Variants in GABRA3 observed in about 807,000 individuals in gnomAD.
GABRA3 encodes the protein gamma-aminobutyric acid type A receptor subunit alpha3.
A neutral mutation model predicts 30.1 loss-of-function variants in GABRA3; 10 were observed. That is an observed-to-expected ratio of 0.33 (90% confidence interval 0.20 to 0.56). GABRA3 has a LOEUF of 0.56. Among genes scored for constraint, GABRA3 ranks in the 20% least tolerant of loss-of-function variants. The pLI, the probability that GABRA3 is intolerant of heterozygous loss-of-function variation, is 0.89. For synonymous variants in GABRA3, 151 were observed against 146.8 expected (o/e 1.03, Z -0.21); for missense variants, 233 against 392.0 (o/e 0.59, Z 3.42).
intron 7 of GABRA3, among the ~76,000 whole-genome samples, chrX:152,198,852 G>A (rs1569353161): frequency 8.9e-6 from 1 of 112,053 alleles, no homozygotes; most frequent in Non-Finnish European, 1.9e-5. Context: ...TACTTGTTAT[G>A]GGTTGAATTG....
intron 1 of GABRA3, among the ~76,000 whole-genome samples, chrX:152,416,475 C>A (rs983863487): frequency 3.6e-5 from 4 of 109,618 alleles, no homozygotes; most frequent in African/African-American, 1.3e-4. Flanking sequence ...TCAATGCCAT[C>A]CCTATCAAGC....
At chrX:152,444,732 G>GGTTTTTTTTTTTTTTT (rs1931019495) in intron 1 of GABRA3, among the ~76,000 whole-genome samples, 2 of 23,227 alleles carry the variant, frequency 8.6e-5, no homozygotes, top group Non-Finnish European at 7.5e-5. Flanking sequence ...TAATACTTGT[G>GGTTTTTTTTTTTTTTT]TGTTTTTTTT....
chrX:152,372,821 A>G (rs1043236515), intron 1 of GABRA3, among the ~76,000 whole-genome samples: 2 of 112,195 alleles, frequency 1.8e-5, no homozygotes, highest in African/African-American at 3.2e-5. Flanking sequence ...CCTTAAATAA[A>G]TTGGGATTTA....
intron 5 of GABRA3, among the ~76,000 whole-genome samples, chrX:152,228,368 G>A (rs1319250777): frequency 9.0e-6 from 1 of 111,659 alleles, no homozygotes; most frequent in African/African-American, 3.3e-5. Flanking sequence ...AAGTGGATGG[G>A]AAGAAAGATA....
At chrX:152,345,325 TTG>T (rs761302995) in intron 3 of GABRA3, among the ~76,000 whole-genome samples, 1 of 111,609 alleles carries the variant, frequency 9.0e-6, no homozygotes, top group East Asian at 2.8e-4. Context: ...CGTCAAACCA[TTG>T]TGAGTCATGG....
In GABRA3 at chrX:152,168,142, A is replaced by G; in HGVS notation, c.*86T>C. The G allele has an allele frequency of 2.7e-6, 2 of 737,301 alleles. No homozygotes were observed. The highest frequency in any genetic ancestry group is 2.1e-6 in the Non-Finnish European group (1 of 483,342). The allele number at this position is 737,301 out of a possible 1,213,427, so 60.8% of individuals were successfully genotyped here. ...AGAGGGGTAAAAAGGAGAATCCTGA[A>G]ATACGCGAAGGGGAGCCCCGGGGTT... On this transcript the variant is annotated 3_prime_UTR_variant, in exon 10 of 10. Coordinates refer to ENST00000370314, the MANE Select transcript of GABRA3 (RefSeq NM_000808.4).
chrX:152,197,262 A>G (rs767529130), intron 8 of GABRA3, among the ~76,000 whole-genome samples: 1 of 111,890 alleles, frequency 8.9e-6, no homozygotes, highest in African/African-American at 3.2e-5. Flanking sequence ...ATACAAAAAA[A>G]GCAGATCTTA....
At chrX:152,417,902 C>T (rs1311014015) in intron 1 of GABRA3, among the ~76,000 whole-genome samples, 4 of 93,864 alleles carry the variant, frequency 4.3e-5, no homozygotes, top group Non-Finnish European at 8.5e-5. Flanking sequence ...GGAGGGATAG[C>T]ACTGGGAGAT....
chrX:152,244,406 T>C (rs917268304), intron 5 of GABRA3, among the ~76,000 whole-genome samples: 7 of 111,882 alleles, frequency 6.3e-5, no homozygotes, highest in African/African-American at 2.3e-4. Context: ...TCCTCTTGAA[T>C]GGGGTTACTG....
At chrX:152,410,734 T>G (rs1016577066) in intron 1 of GABRA3, among the ~76,000 whole-genome samples, 5 of 111,141 alleles carry the variant, frequency 4.5e-5, no homozygotes. Flanking sequence ...GTGAACACAG[T>G]ATAATATTCA....
chrX:152,412,494 G>A lies in GABRA3; in HGVS notation c.-27+38652C>T, dbSNP rs1406388878. On this transcript the variant is annotated intron_variant, in intron 1 of 9. Coordinates refer to ENST00000370314, the MANE Select transcript of GABRA3 (RefSeq NM_000808.4). ...TGAGTATGTGGCAACTATATAATGTGGCAACTATAAAATGGAATATTATTT... is the reference window on the plus strand; with the variant it reads ...TGAGTATGTGGCAACTATATAATGTAGCAACTATAAAATGGAATATTATTT... Among the ~76,000 whole-genome samples, 3 of 111,618 alleles carry A rather than the reference G, an allele frequency of 2.7e-5. No individual in the cohort carries two copies. In the Admixed American group the frequency reaches 2.8e-4, roughly 11 times the overall value.
chrX:152,426,378 T>C (rs1295300714), intron 1 of GABRA3, among the ~76,000 whole-genome samples: 1 of 112,104 alleles, frequency 8.9e-6, no homozygotes, highest in Non-Finnish European at 1.9e-5. Flanking sequence ...ATCTTCTTTC[T>C]GGATTAAGAG....
intron 9 of GABRA3, among the ~76,000 whole-genome samples, chrX:152,174,594 G>T (rs1173700424): frequency 8.9e-6 from 1 of 112,086 alleles, no homozygotes; most frequent in African/African-American, 3.3e-5. Flanking sequence ...GTCTTCTTTT[G>T]AGAAGTGTCT....
chrX:152,235,559 G>GA (rs34190007), intron 5 of GABRA3, among the ~76,000 whole-genome samples: 29,828 of 110,047 alleles, frequency 0.27, 3,509 homozygotes, highest in African/African-American at 0.43. Flanking sequence ...GAATCAACGG[G>GA]AAAAATTCAG....
intron 4 of GABRA3, among the ~76,000 whole-genome samples, chrX:152,272,261 A>C (rs1325754212): frequency 8.9e-6 from 1 of 112,489 alleles, no homozygotes; most frequent in Non-Finnish European, 1.9e-5. Flanking sequence ...ATAAGGGTGG[A>C]GATGCCCAAG....
chrX:152,338,133 A>G (rs779001155), intron 3 of GABRA3, among the ~76,000 whole-genome samples: 1 of 111,750 alleles, frequency 8.9e-6, no homozygotes, highest in Non-Finnish European at 1.9e-5. Context: ...GCCCATACTG[A>G]TTTACATTCC....
intron 5 of GABRA3, among the ~76,000 whole-genome samples, chrX:152,249,736 C>T (rs1220734276): frequency 9.0e-6 from 1 of 111,119 alleles, no homozygotes; most frequent in African/African-American, 3.3e-5. Flanking sequence ...ACTTTTAGTC[C>T]TTCAATGTAT....
chrX:152,418,954 T>C (rs868596477), intron 1 of GABRA3, among the ~76,000 whole-genome samples: 2 of 111,741 alleles, frequency 1.8e-5, no homozygotes, highest in Non-Finnish European at 3.8e-5. Context: ...TGGAATACTA[T>C]GCAGCCATAA....
intron 1 of GABRA3, among the ~76,000 whole-genome samples, chrX:152,401,835 G>C (rs768706500): frequency 9.0e-6 from 1 of 111,611 alleles, no homozygotes; most frequent in South Asian, 3.8e-4. Flanking sequence ...GCGACTATAG[G>C]ATAGAGATTT....
Sources: allele counts gnomAD v4.1 joint callset (sites outside exome capture counted in the v4.1 genomes callset), GRCh38; gene constraint gnomAD v4.1.1; transcripts MANE v1.5; gene names NCBI Gene and HGNC (gene_info 2026-07-23, HGNC 2026-07-21).